The following LDLRAD2 variants were observed in gnomAD, a reference collection of about 807,000 sequenced individuals.
The protein encoded by LDLRAD2 is low-density lipoprotein receptor class A domain-containing protein 2.
A neutral mutation model predicts 24.9 loss-of-function variants in LDLRAD2; 25 were observed. The ratio of observed to expected loss-of-function variants is 1.00; its 90% confidence interval spans 0.73 to 1.40. The LOEUF is 1.40. Among genes scored for constraint, LDLRAD2 ranks in the 40% most tolerant of loss-of-function variants. The pLI, the probability that LDLRAD2 is intolerant of heterozygous loss-of-function variation, is 0.00. For missense variants in LDLRAD2, 391 were observed against 366.2 expected (o/e 1.07, Z -0.55); for synonymous variants, 182 against 166.7 (o/e 1.09, Z -0.71).
rs1157734912 is a variant in LDLRAD2 at position 21,822,493 on chromosome 1, TC to T, written c.*280del. 36 of 391,430 alleles carry T rather than the reference TC, an allele frequency of 9.2e-5. No homozygotes were observed. The highest frequency in any genetic ancestry group is 7.4e-4 in the Middle Eastern group (1 of 1,354). 24.2% of individuals were successfully genotyped at this position (391,430 alleles called of 1,614,324 possible). A position where few individuals can be genotyped will look rare whatever the true frequency, so the allele number is the denominator to read the frequency against. ...TCTTCCTGAGCACCAGCGGCATCCG[TC>T]CGTCCGTTGTCTGTTGGAGGAGTCC... On this transcript the variant is annotated 3_prime_UTR_variant, in exon 5 of 5. Transcript: ENST00000344642.
chr1:21,813,473 C>T (rs2097940565), intron 1 of LDLRAD2, among the ~76,000 whole-genome samples: 1 of 152,162 alleles, frequency 6.6e-6, no homozygotes. Flanking sequence ...CCTGGCTGGT[C>T]CTCAAGTACC....
rs945155682 is a variant in LDLRAD2, at chr1:21,822,484, C to T, written c.*269C>T. The T allele has an allele frequency of 2.3e-5, 9 of 392,224 alleles. No homozygotes were observed. Among genetic ancestry groups the T allele is most frequent in the Non-Finnish European group, 3.9e-5 (8 of 206,534 alleles). The allele number at this position is 392,224 out of a possible 1,614,324, so 24.3% of individuals were successfully genotyped here. A position where few individuals can be genotyped will look rare whatever the true frequency, so the allele number is the denominator to read the frequency against. ...GGCACTAGCTCTTCCTGAGCACCAG[C>T]GGCATCCGTCCGTCCGTTGTCTGTT... is the stretch of plus-strand genomic sequence containing the variant. On this transcript the variant is annotated 3_prime_UTR_variant, in exon 5 of 5. Coordinates refer to ENST00000344642, the MANE Select transcript of LDLRAD2 (RefSeq NM_001013693.3).
chr1:21,812,580 C>A, intron 1 of LDLRAD2, 44 bp downstream of exon 1: 1 of 1,483,938 alleles, frequency 6.7e-7, no homozygotes, highest in Non-Finnish European at 9.4e-7. Flanking sequence ...AAGACTTGGG[C>A]CCCCACCATC....
chr1:21,820,568 G>GC (rs1385964595), intron 3 of LDLRAD2, among the ~76,000 whole-genome samples: 3 of 149,740 alleles, frequency 2.0e-5, no homozygotes, highest in African/African-American at 7.4e-5. Context: ...CGGCAGCCCT[G>GC]CCCCCACCAA....
Position 21,823,562 on chromosome 1 carries a change from G to T in LDLRAD2, c.*1347G>T. 6.2e-7 allele frequency: 1 copy of T among 1,609,424 alleles called. No homozygotes were observed. The highest frequency in any genetic ancestry group is 8.5e-7 in the Non-Finnish European group (1 of 1,176,706). On this transcript the variant is annotated 3_prime_UTR_variant, in exon 5 of 5. Transcript: ENST00000344642. ...GGCGAGGAAGGCTGGGCGAGCTCTA[G>T]CCCTAAGGGAGTGCCGTTCCTGCCC...
rs1309212710 is a variant in LDLRAD2, at chr1:21,823,550, G to A, written c.*1335G>A. ...AGCAGCCCAGGAGGCGAGGAAGGCTGGGCGAGCTCTAGCCCTAAGGGAGTG... is the reference window on the plus strand; with the variant it reads ...AGCAGCCCAGGAGGCGAGGAAGGCTAGGCGAGCTCTAGCCCTAAGGGAGTG... On this transcript the variant is annotated 3_prime_UTR_variant, in exon 5 of 5. Transcript: ENST00000344642. The A allele has an allele frequency of 6.2e-7, 1 of 1,609,898 alleles. No individual in the cohort carries two copies. The highest frequency in any genetic ancestry group is 1.7e-4 in the Middle Eastern group (1 of 6,056).
At chr1:21,820,126 C>T (rs2097948724) in intron 3 of LDLRAD2, among the ~76,000 whole-genome samples, 1 of 152,206 alleles carries the variant, frequency 6.6e-6, no homozygotes, top group Non-Finnish European at 1.5e-5. Context: ...TACAATTTGA[C>T]CTGAGATTTG....
rs763482207 is a variant in LDLRAD2 at position 21,824,822 on chromosome 1, C to A, written c.*2607C>A. Reference sequence around the variant, plus strand: ...GTGGTGCCATACCTGCTGCATCAGGCATCAAAATCCCCCGTCAGTTCCCCT... The same window carrying A: ...GTGGTGCCATACCTGCTGCATCAGGAATCAAAATCCCCCGTCAGTTCCCCT... On this transcript the variant is annotated 3_prime_UTR_variant, in exon 5 of 5. Transcript: ENST00000344642. The surrounding 1 kb of genome is among the most constrained non-coding windows in gnomAD (Gnocchi z 5.9). 2 of 1,551,080 alleles carry A rather than the reference C, an allele frequency of 1.3e-6. No homozygotes were observed. Among genetic ancestry groups the A allele is most frequent in the African/African-American group, 2.7e-5 (2 of 73,458 alleles).
rs560481172 is a variant in LDLRAD2, at chr1:21,823,206, G to A, written c.*991G>A. The A allele has an allele frequency of 1.9e-5, 20 of 1,074,428 alleles. No individual in the cohort carries two copies. Among genetic ancestry groups the A allele is most frequent in the Admixed American group, 6.1e-5 (2 of 32,636 alleles). 66.6% of individuals were successfully genotyped at this position (1,074,428 alleles called of 1,614,324 possible). A position where few individuals can be genotyped will look rare whatever the true frequency, so the allele number is the denominator to read the frequency against. On this transcript the variant is annotated 3_prime_UTR_variant, in exon 5 of 5. Transcript: ENST00000344642. ...CAGCCCAGGGCGGTAGCAGCAAAGC[G>A]TGGCATCGCCTCGGTTTCTTACAAA...
In LDLRAD2 at chr1:21,823,770, C is replaced by T. The variant is rs757490877; in HGVS notation, c.*1555C>T. ...TTTCCACAAACTTCCTGGTCCTCCCCGGCCCCACGACAGAGTCCCCTCCCT... is the reference window on the plus strand; with the variant it reads ...TTTCCACAAACTTCCTGGTCCTCCCTGGCCCCACGACAGAGTCCCCTCCCT... On this transcript the variant is annotated 3_prime_UTR_variant, in exon 5 of 5. Coordinates refer to ENST00000344642, the MANE Select transcript of LDLRAD2 (RefSeq NM_001013693.3). The T allele has an allele frequency of 9.1e-6, 13 of 1,421,334 alleles. No individual in the cohort carries two copies. Among genetic ancestry groups the T allele is most frequent in the South Asian group, 2.3e-5 (2 of 86,942 alleles). The allele number at this position is 1,421,334 out of a possible 1,614,324, so 88.0% of individuals were successfully genotyped here. A position where few individuals can be genotyped will look rare whatever the true frequency, so the allele number is the denominator to read the frequency against.
intron 1 of LDLRAD2, among the ~76,000 whole-genome samples, chr1:21,813,062 C>G (rs915968033): frequency 6.6e-6 from 1 of 152,152 alleles, no homozygotes; most frequent in African/African-American, 2.4e-5. Context: ...TCTGTGATGC[C>G]GAGGCGGGCG....
At chr1:21,819,259 G>C (rs1282639747) in intron 3 of LDLRAD2, among the ~76,000 whole-genome samples, 1 of 151,928 alleles carries the variant, frequency 6.6e-6, no homozygotes, top group Non-Finnish European at 1.5e-5. Context: ...TGTAGTCCCA[G>C]CTACTTGGGA....
rs761831588 is a variant in LDLRAD2, at chr1:21,824,199, T to G, written c.*1984T>G. On this transcript the variant is annotated 3_prime_UTR_variant, in exon 5 of 5. Transcript: ENST00000344642. The surrounding 1 kb of genome is among the most constrained non-coding windows in gnomAD (Gnocchi z 5.9). ...CAGGCGGGCCTCCCCACTACCCAGC[T>G]GGTACCTGCAGTCATCCAGGCCCAA... 2 of 1,613,692 alleles carry G rather than the reference T, an allele frequency of 1.2e-6. No homozygotes were observed. The highest frequency in any genetic ancestry group is 1.1e-5 in the South Asian group (1 of 91,084).
At position 21,824,080 on chromosome 1, in the gene LDLRAD2, A is replaced by G. The variant is rs1170905195; in HGVS notation, c.*1865A>G. 6.4e-7 allele frequency: 1 copy of G among 1,566,460 alleles called. No homozygotes were observed. The highest frequency in any genetic ancestry group is 8.7e-7 in the Non-Finnish European group (1 of 1,143,640). On this transcript the variant is annotated 3_prime_UTR_variant, in exon 5 of 5. Transcript: ENST00000344642. The surrounding 1 kb of genome is among the most constrained non-coding windows in gnomAD (Gnocchi z 5.9). ...TAGGGGGCGTCCTGCCCCACTCCAG[A>G]ACGCTGGGCCCCATCCCGAGTGCCC... is the stretch of plus-strand genomic sequence containing the variant.
chr1:21,820,208 A>C (rs2097948822), intron 3 of LDLRAD2, among the ~76,000 whole-genome samples: 1 of 152,252 alleles, frequency 6.6e-6, no homozygotes, highest in Non-Finnish European at 1.5e-5. Context: ...ACCATGGTTA[A>C]ATGGTAAACG....
rs544883114 is a variant in LDLRAD2 at position 21,822,318 on chromosome 1, C to A, written c.*103C>A. 2.5e-6 allele frequency: 3 copies of A among 1,195,090 alleles called. No homozygotes were observed. Among genetic ancestry groups the A allele is most frequent in the African/African-American group, 1.5e-5 (1 of 66,748 alleles). The allele number at this position is 1,195,090 out of a possible 1,614,324, so 74.0% of individuals were successfully genotyped here. On this transcript the variant is annotated 3_prime_UTR_variant, in exon 5 of 5. Coordinates refer to ENST00000344642, the MANE Select transcript of LDLRAD2 (RefSeq NM_001013693.3). ...GAGGGTCCCTTCTAGGACACAGAGG[C>A]CAGGCGTCCCAACCCCACAGTCTGG...
chr1:21,824,678 A>T lies in LDLRAD2; in HGVS notation c.*2463A>T. ...GATTCCCATCCTCCCCATTAGGCCC[A>T]TGGGCCCTTCCAATGCCAGTCTCAC... is the stretch of plus-strand genomic sequence containing the variant. On this transcript the variant is annotated 3_prime_UTR_variant, in exon 5 of 5. Transcript: ENST00000344642. The surrounding 1 kb of genome is among the most constrained non-coding windows in gnomAD (Gnocchi z 5.9). 1 of 1,613,358 alleles carries T rather than the reference A, an allele frequency of 6.2e-7. No individual in the cohort carries two copies. The highest frequency in any genetic ancestry group is 1.3e-5 in the African/African-American group (1 of 75,016).
At position 21,824,895 on chromosome 1, in the gene LDLRAD2, G is replaced by A. The variant is rs1460243154; in HGVS notation, c.*2680G>A. The A allele has an allele frequency of 1.0e-5, 10 of 972,622 alleles. No individual in the cohort carries two copies. Among genetic ancestry groups the A allele is most frequent in the Non-Finnish European group, 1.6e-5 (10 of 622,668 alleles). 60.2% of individuals were successfully genotyped at this position (972,622 alleles called of 1,614,324 possible). On this transcript the variant is annotated 3_prime_UTR_variant, in exon 5 of 5. Coordinates refer to ENST00000344642, the MANE Select transcript of LDLRAD2 (RefSeq NM_001013693.3). The surrounding 1 kb of genome is among the most constrained non-coding windows in gnomAD (Gnocchi z 5.9). Reference sequence around the variant, plus strand: ...TGCAGGACTAGGGGGCTCCGAGCCTGCAGTCCCTGGGGACCCACGGGGGCT... The same window carrying A: ...TGCAGGACTAGGGGGCTCCGAGCCTACAGTCCCTGGGGACCCACGGGGGCT...
chr1:21,814,369 G>T (rs779727829), intron 1 of LDLRAD2, 29 bp from the exon 2 acceptor site: 2 of 1,544,404 alleles, frequency 1.3e-6, no homozygotes, highest in Non-Finnish European at 1.7e-6. Flanking sequence ...CGCGCCGCGC[G>T]GCTCCAGTTT....
Sources: gnomAD v4.1 joint callset for allele counts (sites outside exome capture counted in the v4.1 genomes callset) on GRCh38, gnomAD v4.1.1 for gene constraint, Gnocchi (gnomAD v3.1) non-coding constraint, MANE v1.5 for transcripts, NCBI Gene and HGNC (gene_info 2026-07-23, HGNC 2026-07-21) for gene names.